The following CCSER1 variants were observed in gnomAD, a reference collection of about 807,000 sequenced individuals.
CCSER1 encodes coiled-coil serine rich protein 1.
Under a neutral mutation model 82.0 loss-of-function variants are expected in CCSER1, and 41 were observed. The ratio of observed to expected loss-of-function variants is 0.50; its 90% CI spans 0.39 to 0.65. The LOEUF (loss-of-function observed/expected upper bound fraction) is 0.65, where lower values mean the gene tolerates loss of function less well. CCSER1 is among the 30% of genes least tolerant of loss of function. The pLI, the probability that CCSER1 is intolerant of heterozygous loss-of-function variation, is 0.00. For missense variants in CCSER1, 1,119 were observed against 1,064.2 expected, an observed-to-expected ratio of 1.05 and a Z score of -0.72; for synonymous variants, 414 against 383.9, an observed-to-expected ratio of 1.08 and a Z score of -0.92.
At position 90,810,105 on chromosome 4, in the gene CCSER1, G is replaced by A. The variant is rs555575136; in HGVS notation, c.2011-5657G>A. Among the ~76,000 whole-genome samples, 93 of 152,024 alleles carry A rather than the reference G, an allele frequency of 6.1e-4. 1 individual carries two copies. The East Asian group carries it at 0.014, about 22-fold the overall frequency. ...ATACTGCTTATTTGGTAATTGTATT[G>A]GAAAAAAACATGAATTTGAGCATCT... On this transcript the variant is annotated intron_variant, in intron 7 of 10. Coordinates refer to ENST00000509176, the MANE Select transcript of CCSER1 (RefSeq NM_001145065.2).
chr4:91,291,643 A>T (rs1937644771), intron 10 of CCSER1, among the ~76,000 whole-genome samples: 1 of 151,986 alleles, frequency 6.6e-6, no homozygotes, highest in African/African-American at 2.4e-5. Flanking sequence ...GCTTGCTATC[A>T]CGAGAACAGC....
intron 10 of CCSER1, among the ~76,000 whole-genome samples, chr4:91,266,782 C>T (rs1049111634): frequency 2.6e-5 from 4 of 152,054 alleles, no homozygotes; most frequent in Admixed American, 2.6e-4. Context: ...CTTATCTTAC[C>T]GGATAAGTGG....
chr4:90,957,754 T>C (rs2150368344), intron 9 of CCSER1, among the ~76,000 whole-genome samples: 2 of 148,330 alleles, frequency 1.3e-5, no homozygotes, highest in South Asian at 4.2e-4. Flanking sequence ...AAAGGTAAGA[T>C]TTGGATTTTT....
intron 9 of CCSER1, among the ~76,000 whole-genome samples, chr4:91,020,267 C>CTT (rs2150524644): frequency 6.6e-6 from 1 of 152,254 alleles, no homozygotes; most frequent in Non-Finnish European, 1.5e-5. Flanking sequence ...ACATCCCTTG[C>CTT]AAAGATATGT....
At chr4:90,995,462 T>C (rs1737409696) in intron 9 of CCSER1, among the ~76,000 whole-genome samples, 1 of 152,126 alleles carries the variant, frequency 6.6e-6, no homozygotes, top group Admixed American at 6.6e-5. Context: ...AGTAATTACA[T>C]CTTCCTGTAG....
intron 1 of CCSER1, among the ~76,000 whole-genome samples, chr4:90,262,895 G>T (rs1724585443): frequency 6.6e-6 from 1 of 152,136 alleles, no homozygotes; most frequent in Non-Finnish European, 1.5e-5. Context: ...TGAACCTGGG[G>T]AGTGCTCCTC....
At chr4:91,029,471 A>G (rs1207856988) in intron 9 of CCSER1, among the ~76,000 whole-genome samples, 1 of 152,044 alleles carries the variant, frequency 6.6e-6, no homozygotes, top group African/African-American at 2.4e-5. Context: ...TGAATTTACT[A>G]CATGCTTTCT....
chr4:90,555,592 T>C (rs548817706), intron 5 of CCSER1, among the ~76,000 whole-genome samples: 1 of 152,184 alleles, frequency 6.6e-6, no homozygotes, highest in Admixed American at 6.5e-5. Context: ...GTCAGAATGA[T>C]TTGAATATGA....
chr4:91,185,724 T>G (rs1379084819), intron 10 of CCSER1, among the ~76,000 whole-genome samples: 1 of 152,228 alleles, frequency 6.6e-6, no homozygotes, highest in Non-Finnish European at 1.5e-5. Context: ...TATTTCAGGA[T>G]CAGCAGTTTT....
intron 9 of CCSER1, among the ~76,000 whole-genome samples, chr4:90,963,875 G>A (rs1234722038): frequency 6.6e-6 from 1 of 152,086 alleles, no homozygotes; most frequent in Non-Finnish European, 1.5e-5. Flanking sequence ...AATTTAATAG[G>A]GCTTCAAGAA....
intron 5 of CCSER1, among the ~76,000 whole-genome samples, chr4:90,516,156 C>T (rs1772240337): frequency 6.6e-6 from 1 of 152,078 alleles, no homozygotes; most frequent in Admixed American, 6.5e-5. Context: ...GTATTTAAGA[C>T]TTGAACAATG....
chr4:91,438,912 A>C (rs1360176820), intron 10 of CCSER1, among the ~76,000 whole-genome samples: 1 of 152,180 alleles, frequency 6.6e-6, no homozygotes, highest in African/African-American at 2.4e-5. Flanking sequence ...GAAATGAAGC[A>C]AGAAGGGAAG....
chr4:91,479,821 C>A (rs1486945236), intron 10 of CCSER1, among the ~76,000 whole-genome samples: 1 of 143,508 alleles, frequency 7.0e-6, no homozygotes, highest in Non-Finnish European at 1.5e-5. Flanking sequence ...ATACATGTGC[C>A]ATGCTGGTGC....
intron 10 of CCSER1, among the ~76,000 whole-genome samples, chr4:91,361,948 C>G (rs577435497): frequency 3.3e-5 from 5 of 151,730 alleles, no homozygotes; most frequent in African/African-American, 1.2e-4. Flanking sequence ...GTATTTGGCG[C>G]TATTTTACAA....
At chr4:90,513,814 T>G (rs1264269971) in intron 5 of CCSER1, among the ~76,000 whole-genome samples, 1 of 152,102 alleles carries the variant, frequency 6.6e-6, no homozygotes. Context: ...GTGAGGGACA[T>G]GATGGACAAC....
chr4:90,881,354 G>C (rs1721289163), intron 8 of CCSER1, among the ~76,000 whole-genome samples: 2 of 152,002 alleles, frequency 1.3e-5, no homozygotes, highest in African/African-American at 4.8e-5. Flanking sequence ...TTTTAAAAGT[G>C]AACTAGAAAA....
intron 10 of CCSER1, among the ~76,000 whole-genome samples, chr4:91,424,628 A>T (rs892661278): frequency 1.3e-5 from 2 of 152,172 alleles, no homozygotes; most frequent in African/African-American, 4.8e-5. Context: ...TTATTGTATT[A>T]TATGAGTTTC....
chr4:90,247,044 A>G (rs1178153528), intron 1 of CCSER1, among the ~76,000 whole-genome samples: 1 of 152,150 alleles, frequency 6.6e-6, no homozygotes. Context: ...CAAAATGACT[A>G]AAGGGCAGGT....
At chr4:90,481,617 A>G (rs901407587) in intron 5 of CCSER1, among the ~76,000 whole-genome samples, 2 of 152,178 alleles carry the variant, frequency 1.3e-5, no homozygotes, top group Admixed American at 6.5e-5. Context: ...TTCTGCATCT[A>G]TTGAGATAAT....
Sources: gnomAD v4.1 joint callset for allele counts (sites outside exome capture counted in the v4.1 genomes callset) on GRCh38, gnomAD v4.1.1 for gene constraint, MANE v1.5 for transcripts, NCBI Gene and HGNC (gene_info 2026-07-23, HGNC 2026-07-21) for gene names.